ZC3H12B: variants seen among roughly 807,000 people sequenced by gnomAD.
ZC3H12B encodes probable ribonuclease ZC3H12B.
ZC3H12B carries 7 observed loss-of-function variants against 43.9 expected under a neutral mutation model. The observed-to-expected ratio is 0.16, with a 90% CI of 0.09 to 0.30. The LOEUF (loss-of-function observed/expected upper bound fraction) is 0.30. Ranked by LOEUF, ZC3H12B falls within the 10% of genes least tolerant of loss-of-function variation. The pLI is 1.00. For missense variants in ZC3H12B, 475 were observed against 670.2 expected, an observed-to-expected ratio of 0.71 and a Z score of 3.22; for synonymous variants, 222 against 241.7, an observed-to-expected ratio of 0.92 and a Z score of 0.76.
the ZC3H12B span, among the ~76,000 whole-genome samples, chrX:65,145,341 C>A: frequency 1.8e-5 from 2 of 109,415 alleles, no homozygotes; most frequent in Admixed American, 2.0e-4. Context: ...CACCCCTTTA[C>A]CTTAAGTTTG....
At chrX:65,254,671 G>T in the ZC3H12B span, among the ~76,000 whole-genome samples, 139 of 112,237 alleles carry the variant, frequency 1.2e-3, no homozygotes, top group African/African-American at 4.3e-3. Flanking sequence ...ACTTCCAAAA[G>T]AATGCACAAG....
At chrX:65,340,606 C>A in the ZC3H12B span, among the ~76,000 whole-genome samples, 1 of 111,727 alleles carries the variant, frequency 9.0e-6, no homozygotes, top group South Asian at 3.8e-4. Context: ...GCCATGGTTC[C>A]CTAAAATCTT....
chrX:65,184,123 A>C, the ZC3H12B span, among the ~76,000 whole-genome samples: 1 of 111,510 alleles, frequency 9.0e-6, no homozygotes, highest in Non-Finnish European at 1.9e-5. Flanking sequence ...GATAAATGTT[A>C]GTTGCCTTCC....
At chrX:65,080,895 C>G in the ZC3H12B span, among the ~76,000 whole-genome samples, 1 of 110,976 alleles carries the variant, frequency 9.0e-6, no homozygotes, top group East Asian at 2.8e-4. Context: ...AATGATGAAT[C>G]AATCATAAAT....
the ZC3H12B span, among the ~76,000 whole-genome samples, chrX:65,309,699 A>G: frequency 8.9e-6 from 1 of 112,201 alleles, no homozygotes; most frequent in South Asian, 3.7e-4. Context: ...GAAAAAGAGA[A>G]TTGTAGATGA....
chrX:65,362,406 A>G (rs1299772371), upstream of ZC3H12B, among the ~76,000 whole-genome samples: 1 of 111,256 alleles, frequency 9.0e-6, no homozygotes, highest in East Asian at 2.8e-4. Context: ...CAACTTGGAC[A>G]GTGTTCTTTT....
At chrX:65,237,281 A>C in the ZC3H12B span, among the ~76,000 whole-genome samples, 2 of 109,452 alleles carry the variant, frequency 1.8e-5, no homozygotes, top group African/African-American at 6.7e-5. Context: ...GAGGTCCTTC[A>C]CCTCCCCTGT....
chrX:65,439,038 A>G (rs1157367023), intron 3 of ZC3H12B, among the ~76,000 whole-genome samples: 1 of 112,478 alleles, frequency 8.9e-6, no homozygotes, highest in Non-Finnish European at 1.9e-5. Flanking sequence ...TCTGCAGACT[A>G]TACAAAGACA....
the ZC3H12B span, among the ~76,000 whole-genome samples, chrX:65,155,978 G>C: frequency 7.2e-5 from 8 of 110,403 alleles, no homozygotes; most frequent in South Asian, 2.3e-3. Context: ...GTCTATTAAG[G>C]ATGTTTTTTC....
At chrX:65,174,023 G>C in the ZC3H12B span, among the ~76,000 whole-genome samples, 1 of 111,562 alleles carries the variant, frequency 9.0e-6, no homozygotes, top group African/African-American at 3.3e-5. Flanking sequence ...GCTGCAGTTT[G>C]CTGGAGGTTC....
intron 3 of ZC3H12B, chrX:65,408,452 G>A: frequency 7.4e-6 from 9 of 1,210,324 alleles, no homozygotes; most frequent in African/African-American, 6.9e-5. Flanking sequence ...TGCCATCATC[G>A]GGCAGCAGCA....
the ZC3H12B span, among the ~76,000 whole-genome samples, chrX:65,140,133 T>A: frequency 9.0e-6 from 1 of 111,560 alleles, no homozygotes; most frequent in East Asian, 2.8e-4. Flanking sequence ...CTATGTTGAA[T>A]AAAAGTGTTG....
At chrX:65,164,636 A>T in the ZC3H12B span, among the ~76,000 whole-genome samples, 3 of 112,118 alleles carry the variant, frequency 2.7e-5, no homozygotes, top group Non-Finnish European at 5.6e-5. Flanking sequence ...TCCAGGAATG[A>T]GCAAGGACCG....
At chrX:65,295,243 C>G in the ZC3H12B span, among the ~76,000 whole-genome samples, 1 of 111,088 alleles carries the variant, frequency 9.0e-6, no homozygotes, top group Admixed American at 9.6e-5. Context: ...GAAATCAACT[C>G]CAAAATGAAC....
chrX:65,190,927 C>T, the ZC3H12B span, among the ~76,000 whole-genome samples: 1 of 102,219 alleles, frequency 9.8e-6, no homozygotes, highest in Non-Finnish European at 1.9e-5. Flanking sequence ...ATGATATTGG[C>T]TGTGGGTTTG....
At chrX:65,259,591 C>T in the ZC3H12B span, among the ~76,000 whole-genome samples, 2 of 111,780 alleles carry the variant, frequency 1.8e-5, no homozygotes, top group South Asian at 7.4e-4. Flanking sequence ...GGCTTCTGCA[C>T]AGCAATGGAA....
chrX:65,198,164 C>T, the ZC3H12B span, among the ~76,000 whole-genome samples: 4 of 112,019 alleles, frequency 3.6e-5, no homozygotes, highest in Non-Finnish European at 7.5e-5. Flanking sequence ...TTTCAACTTA[C>T]CAAGAGGCTG....
At chrX:65,057,479 T>G in the ZC3H12B span, among the ~76,000 whole-genome samples, 3 of 112,018 alleles carry the variant, frequency 2.7e-5, no homozygotes, top group African/African-American at 9.8e-5. Flanking sequence ...CTTCCCTTTG[T>G]GGGTAACCCG....
At chrX:65,233,101 T>G in the ZC3H12B span, among the ~76,000 whole-genome samples, 1 of 112,033 alleles carries the variant, frequency 8.9e-6, no homozygotes, top group African/African-American at 3.2e-5. Context: ...TTAAAGCAAA[T>G]ATTATCTATG....
Sources: gnomAD v4.1 joint callset for allele counts (sites outside exome capture counted in the v4.1 genomes callset) on GRCh38, gnomAD v4.1.1 for gene constraint, MANE v1.5 for transcripts, NCBI Gene and HGNC (gene_info 2026-07-23, HGNC 2026-07-21) for gene names.